Variants in TRMT11 observed in about 807,000 individuals in gnomAD.
TRMT11 encodes tRNA methyltransferase 11.
TRMT11 carries 53 observed loss-of-function variants against 62.8 expected under a neutral mutation model. The ratio of observed to expected loss-of-function variants is 0.84; its 90% CI spans 0.68 to 1.06. TRMT11 has a LOEUF of 1.06. TRMT11 is among the 50% of genes least tolerant of loss of function. TRMT11 has a pLI of 0.00. For synonymous variants in TRMT11, 188 were observed against 190.3 expected (o/e 0.99, Z 0.10); for missense variants, 556 against 553.4 (o/e 1.00, Z -0.05).
At chr6:126,090,790 G>A (rs548604855) in intron 17 of TRMT11, among the ~76,000 whole-genome samples, 31 of 152,216 alleles carry the variant, frequency 2.0e-4, no homozygotes, top group African/African-American at 6.5e-4. Context: ...ATCCATACAC[G>A]TGCGGTATGG....
chr6:126,233,553 A>G, the TRMT11 span, among the ~76,000 whole-genome samples: 1 of 152,166 alleles, frequency 6.6e-6, no homozygotes, highest in Non-Finnish European at 1.5e-5. Flanking sequence ...AGGGGAGGCT[A>G]AGAACTGCAG....
At position 126,177,983 on chromosome 6, in the gene TRMT11, G is replaced by A. The variant is rs114698218; in HGVS notation, n.143+648G>A. On this transcript the variant is annotated intron_variant and non_coding_transcript_variant, in intron 1 of 3. Transcript: ENST00000444229. ...TGCCTACTGCAAGCTCTGGTCCAGG[G>A]TCTTCCCCTTACTATCAAACTGGGG... Among the ~76,000 whole-genome samples the A allele has an allele frequency of 8.2e-3, 1,254 of 152,140 alleles. 13 individuals are homozygous for A. The highest frequency in any genetic ancestry group is 0.027 in the African/African-American group (1,140 of 41,498).
At chr6:126,114,455 A>T (rs933715057) in intron 18 of TRMT11, among the ~76,000 whole-genome samples, 9 of 152,088 alleles carry the variant, frequency 5.9e-5, no homozygotes, top group Non-Finnish European at 1.2e-4. Context: ...GATGCCCATG[A>T]TTAGTGGCTT....
chr6:126,240,390 G>T, the TRMT11 span, among the ~76,000 whole-genome samples: 1 of 152,114 alleles, frequency 6.6e-6, no homozygotes, highest in Admixed American at 6.5e-5. Flanking sequence ...GGTTTTTGGT[G>T]TGGATGTCAT....
At chr6:125,988,489 G>C (rs1327401256) in intron 1 of TRMT11, among the ~76,000 whole-genome samples, 1 of 152,196 alleles carries the variant, frequency 6.6e-6, no homozygotes, top group Non-Finnish European at 1.5e-5. Flanking sequence ...GGCATGGTGG[G>C]AGGGGTTCTC....
intron 21 of TRMT11, among the ~76,000 whole-genome samples, chr6:126,169,055 C>T (rs1243613472): frequency 1.3e-5 from 2 of 152,290 alleles, no homozygotes; most frequent in East Asian, 1.9e-4. Flanking sequence ...ATCAGGAGAT[C>T]GCACCTAAGA....
chr6:126,225,453 C>A, the TRMT11 span, among the ~76,000 whole-genome samples: 2 of 151,812 alleles, frequency 1.3e-5, no homozygotes, highest in African/African-American at 4.8e-5. Flanking sequence ...CTGCACTCTT[C>A]CTCTGTTCAT....
In TRMT11 at chr6:126,068,125, G is replaced by A. The variant is rs1309267822; in HGVS notation, c.*1437+14935G>A. Among the ~76,000 whole-genome samples the A allele has an allele frequency of 4.6e-5, 7 of 152,122 alleles. 1 individual carries two copies. The South Asian group carries it at 1.5e-3, about 32-fold the overall frequency. On this transcript the variant is annotated intron_variant and NMD_transcript_variant, in intron 17 of 22. Transcript: ENST00000648977. ...CTTCTTATGTGATGTGTCTTTTAAA[G>A]TCTTTGGCTCATTTTTCTATTGGAT...
chr6:126,223,556 A>C, the TRMT11 span, among the ~76,000 whole-genome samples: 1 of 152,230 alleles, frequency 6.6e-6, no homozygotes, highest in Non-Finnish European at 1.5e-5. Flanking sequence ...TTCCCTTTGT[A>C]GGTGACCTGT....
chr6:126,180,897 G>A (rs182803981), intron 1 of TRMT11, among the ~76,000 whole-genome samples: 14 of 152,212 alleles, frequency 9.2e-5, no homozygotes, highest in African/African-American at 3.1e-4. Flanking sequence ...AGTTTAAAGC[G>A]CAAAGGGCAT....
chr6:126,170,594 G>C (rs1056089915), intron 21 of TRMT11, among the ~76,000 whole-genome samples: 6 of 152,022 alleles, frequency 3.9e-5, no homozygotes, highest in African/African-American at 1.4e-4. Context: ...GGAGAACAAG[G>C]TGTGGTTCTC....
chr6:126,092,472 G>A (rs865848379), intron 17 of TRMT11, among the ~76,000 whole-genome samples: 1 of 152,126 alleles, frequency 6.6e-6, no homozygotes, highest in South Asian at 2.1e-4. Flanking sequence ...ACAGTATGGG[G>A]GAAACCGCCC....
At chr6:126,115,430 G>A (rs768629905) in exon 20 of TRMT11, among the ~76,000 whole-genome samples, 5 of 152,100 alleles carry the variant, frequency 3.3e-5, no homozygotes, top group Non-Finnish European at 7.4e-5. Flanking sequence ...TGATTCCAAT[G>A]TGCAGTGAAG....
chr6:126,032,830 G>A (rs907814222), intron 12 of TRMT11, among the ~76,000 whole-genome samples: 2 of 152,022 alleles, frequency 1.3e-5, no homozygotes, highest in Non-Finnish European at 2.9e-5. Flanking sequence ...GATTACTCTA[G>A]GCTGTTCTAG....
chr6:126,144,684 C>T (rs1777955214), intron 21 of TRMT11, among the ~76,000 whole-genome samples: 1 of 152,084 alleles, frequency 6.6e-6, no homozygotes, highest in Non-Finnish European at 1.5e-5. Context: ...TTCCCTGTTG[C>T]CCATTTGATT....
chr6:126,052,294 C>T (rs1005592273), intron 16 of TRMT11, among the ~76,000 whole-genome samples: 10 of 152,106 alleles, frequency 6.6e-5, no homozygotes, highest in African/African-American at 2.2e-4. Context: ...TAAAGAAATA[C>T]GCAGGCTGCC....
At chr6:126,229,636 T>C in the TRMT11 span, among the ~76,000 whole-genome samples, 3 of 152,218 alleles carry the variant, frequency 2.0e-5, no homozygotes, top group Non-Finnish European at 4.4e-5. Flanking sequence ...CCAAATATTC[T>C]AAGTTTCTAT....
intron 12 of TRMT11, among the ~76,000 whole-genome samples, chr6:126,029,284 T>C (rs1773751284): frequency 6.6e-6 from 1 of 152,190 alleles, no homozygotes; most frequent in Admixed American, 6.5e-5. Context: ...ATGTACACTT[T>C]AGTAATTATA....
chr6:125,999,563 A>G lies in TRMT11; in HGVS notation c.629A>G (p.His210Arg). 2.5e-6 allele frequency: 4 copies of G among 1,612,262 alleles called. No individual in the cohort carries two copies. Among genetic ancestry groups the G allele is most frequent in the Non-Finnish European group, 3.4e-6 (4 of 1,178,982 alleles). Reference protein sequence around the residue: ...DAGLSFIMANHGKVKENDIVF... With the variant: ...DAGLSFIMANRGKVKENDIVF... ...GGTTTGTCATTCATTATGGCTAACC[A>G]TGGAAAAGTGAAAGAAAATGATATT... Residue 210 changes from histidine to arginine, a missense_variant, in exon 7 of 13, where the codon CAT becomes CGT. Physicochemically the swap from His to Arg is conservative, Grantham distance 29. Transcript: ENST00000334379.
Sources: gnomAD v4.1 joint callset for allele counts (sites outside exome capture counted in the v4.1 genomes callset) on GRCh38, gnomAD v4.1.1 for gene constraint, MANE v1.5 for transcripts, NCBI Gene and HGNC (gene_info 2026-07-23, HGNC 2026-07-21) for gene names.